CCDC9B: variants seen among roughly 807,000 people sequenced by gnomAD.
CCDC9B encodes coiled-coil domain containing 9B, also known as coiled-coil domain-containing protein 9B.
Under a neutral mutation model 47.2 loss-of-function variants are expected in CCDC9B, and 40 were observed. The ratio of observed to expected loss-of-function variants is 0.85; its 90% confidence interval spans 0.66 to 1.10. The LOEUF (loss-of-function observed/expected upper bound fraction) is 1.10. Ranked by LOEUF, CCDC9B falls within the 50% of genes least tolerant of loss-of-function variation. CCDC9B has a pLI of 0.00. For synonymous variants in CCDC9B, 238 were observed against 250.7 expected (o/e 0.95, Z 0.48); for missense variants, 662 against 651.0 (o/e 1.02, Z -0.18).
Position 40,339,935 on chromosome 15 carries a change from C to T in CCDC9B, c.93G>A (p.Lys31=), listed in dbSNP as rs757877384. 1.0e-4 allele frequency: 166 copies of T among 1,613,798 alleles called. 1 individual carries two copies. The Admixed American group carries it at 2.7e-3, about 26-fold the overall frequency. The stretch of plus-strand genomic sequence containing the variant: ...ACCTGCGGAGCAAGGCCTGGTTCTT[C>T]TTGCGCAGGGCAACTATCCTCCGAT... ...ELDRRIVALR[K]KNQALLRRYQ... The change falls in exon 2 of 11, where the codon AAG becomes AAA. Residue 31 remains lysine, a synonymous_variant. Coordinates refer to ENST00000397536, the MANE Select transcript of CCDC9B (RefSeq NM_207380.3).
intron 1 of CCDC9B, chr15:40,340,564 G>C (rs1164230216): frequency 4.0e-6 from 2 of 506,222 alleles, no homozygotes; most frequent in Non-Finnish European, 6.9e-6. Context: ...GCTGGTAGTC[G>C]GGGCGGAGAG....
Position 40,335,346 on chromosome 15 carries a change from G to A in CCDC9B, c.1285C>T (p.Gln429Ter). ...CCTCTCTGTGGCTCAGGGCAAGTCT[G>A]TACTTCCAGCTCAGCCTGGTGATTG... The part of the protein sequence containing the change: ...WSNHQAELEV[Q>*]TCPEPQRGAG... Residue 429 changes from glutamine (Q) to a stop codon, truncating the protein, a stop_gained, in exon 11 of 11, where the codon CAG (glutamine) becomes TAG (stop). Coordinates refer to ENST00000397536, the MANE Select transcript of CCDC9B (RefSeq NM_207380.3). LOFTEE classifies it low-confidence loss of function (END_TRUNC). 6.2e-7 allele frequency: 1 copy of A among 1,613,500 alleles called. No homozygotes were observed. The highest frequency in any genetic ancestry group is 1.3e-5 in the African/African-American group (1 of 75,046).
At position 40,337,887 on chromosome 15, in the gene CCDC9B, A is replaced by G; in HGVS notation, c.520T>C (p.Trp174Arg). Residue 174 changes from tryptophan (W) to arginine (R), a missense_variant, in exon 6 of 11, where the codon TGG (tryptophan) becomes CGG (arginine). Coordinates refer to ENST00000397536, the MANE Select transcript of CCDC9B (RefSeq NM_207380.3). ...ISSDSARKGS[W>R]EPWSRPVGEP... is the part of the protein sequence containing the mutation. The stretch of plus-strand genomic sequence containing the variant: ...CCCACCGGCCGGCTCCAGGGCTCCC[A>G]AGAACCCTGTAGGGAGAAGACACTC... 1 of 1,597,296 alleles carries G rather than the reference A, an allele frequency of 6.3e-7. No individual in the cohort carries two copies. The highest frequency in any genetic ancestry group is 8.5e-7 in the Non-Finnish European group (1 of 1,172,412).
chr15:40,332,550 A>G lies in CCDC9B; in HGVS notation c.*2608T>C, dbSNP rs76448349. ...TCTGCCCAGCCTTCTCTCCTGCTTCAGTCCCATTGTGAGGGCTGAACCCGA... is the reference window on the plus strand; with the variant it reads ...TCTGCCCAGCCTTCTCTCCTGCTTCGGTCCCATTGTGAGGGCTGAACCCGA... On this transcript the variant is annotated 3_prime_UTR_variant, in exon 11 of 11. Transcript: ENST00000397536. 13,104 of 152,342 alleles carry G rather than the reference A, an allele frequency of 0.086. 784 individuals carry two copies. Among genetic ancestry groups the G allele is most frequent in the Non-Finnish European group, 0.13 (8,796 of 68,046 alleles). The allele number at this position is 152,342 out of a possible 1,614,324, so 9.4% of individuals were successfully genotyped here. A position where few individuals can be genotyped will look rare whatever the true frequency, so the allele number is the denominator to read the frequency against.
At chr15:40,336,281 C>T in intron 9 of CCDC9B, 3 of 985,408 alleles carry the variant, frequency 3.0e-6, no homozygotes, top group Non-Finnish European at 3.6e-6. Context: ...AAACTTGCAG[C>T]ACCTTGAGTT....
chr15:40,339,757 C>G, intron 2 of CCDC9B, 138 bp from the exon 3 acceptor site: 1 of 1,465,968 alleles, frequency 6.8e-7, no homozygotes, highest in Non-Finnish European at 9.2e-7. Flanking sequence ...CCAGGACCCT[C>G]ACCAAGCCTC....
chr15:40,337,803 C>G lies in CCDC9B; in HGVS notation c.604G>C (p.Asp202His), dbSNP rs375488563. 49 of 1,610,244 alleles carry G rather than the reference C, an allele frequency of 3.0e-5. No homozygotes were observed. Among genetic ancestry groups the G allele is most frequent in the Middle Eastern group, 3.3e-4 (2 of 5,972 alleles). Residue 202 changes from aspartate to histidine, a missense_variant, in exon 6 of 11, where the codon GAC becomes CAC. Asp to His is a moderately conservative substitution (Grantham distance 81). Coordinates refer to ENST00000397536, the MANE Select transcript of CCDC9B (RefSeq NM_207380.3). ...AQWKQEREQI[D>H]LARLARHRDA... is the part of the protein sequence containing the mutation. ...CTGTGCCGGGCGAGGCGGGCTAGGT[C>G]GATCTGCTCCCGCTCCTGCTTCCAC...
intron 1 of CCDC9B, 100 bp downstream of exon 1, chr15:40,340,708 G>GCCCCAGCTGT: frequency 1.7e-6 from 2 of 1,149,564 alleles, no homozygotes; most frequent in African/African-American, 1.6e-5. Context: ...CTTCCTCCCA[G>GCCCCAGCTGT]CCCCAGCTGT....
rs375937138 is a variant in CCDC9B at position 40,337,398 on chromosome 15, G to A, written c.732C>T (p.Gly244=). 31 of 1,609,350 alleles carry A rather than the reference G, an allele frequency of 1.9e-5. No homozygotes were observed. Among genetic ancestry groups the A allele is most frequent in the Non-Finnish European group, 2.6e-5 (31 of 1,177,590 alleles). The stretch of plus-strand genomic sequence containing the variant: ...TAGGTGTGGGCTCACCCCTTCTGCT[G>A]CCTGCCCTGGCCGGGCCTTCTCCCC... ...QLRGEGPARA[G]SRRGPRSHQK... The change falls in exon 7 of 11, where the codon GGC becomes GGT. Residue 244 remains glycine, a synonymous_variant. Transcript: ENST00000397536.
chr15:40,340,017 TGCAGAG>T lies in CCDC9B; in HGVS notation c.13-8_13-3del. 6.2e-7 allele frequency: 1 copy of T among 1,605,272 alleles called. No individual in the cohort carries two copies. Among genetic ancestry groups the T allele is most frequent in the Non-Finnish European group, 8.5e-7 (1 of 1,173,714 alleles). ...GGGGGACTCGGCTCTGGGAGTTCCC[TGCAGAG>T]GCAGGGAACCCAAGCTCCTGACTTC... is the stretch of plus-strand genomic sequence containing the variant. On this transcript the variant is annotated splice_region_variant and splice_polypyrimidine_tract_variant and intron_variant, in intron 1 of 10. Transcript: ENST00000397536.
In CCDC9B at chr15:40,335,266, C is replaced by T. The variant is rs1430550910; in HGVS notation, c.1365G>A (p.Gln455=). The T allele has an allele frequency of 6.2e-7, 1 of 1,605,866 alleles. No homozygotes were observed. Among genetic ancestry groups the T allele is most frequent in the Non-Finnish European group, 8.5e-7 (1 of 1,174,852 alleles). ...TGGGCCGGCTTCTCGGGGCCAGGCC[C>T]TGCTGGGCCCCAGACTTGCCAGACC... ...EDRSGKSGAQ[Q]GLAPRSRPTR... Residue 455 remains glutamine (Q), a synonymous_variant, in exon 11 of 11, where the codon CAG becomes CAA. Transcript: ENST00000397536.
Position 40,338,611 on chromosome 15 carries a change from A to G in CCDC9B, c.437T>C (p.Ile146Thr). 1 of 1,613,972 alleles carries G rather than the reference A, an allele frequency of 6.2e-7. No homozygotes were observed. The highest frequency in any genetic ancestry group is 8.5e-7 in the Non-Finnish European group (1 of 1,179,918). Residue 146 changes from isoleucine to threonine, a missense_variant, in exon 5 of 11, where the codon ATA becomes ACA. Coordinates refer to ENST00000397536, the MANE Select transcript of CCDC9B (RefSeq NM_207380.3). ...EKPTRARNQGIEGSPGGRVTR... is the reference protein window; with the variant it reads ...EKPTRARNQGTEGSPGGRVTR... ...CACACGCCCTCCAGGTGACCCCTCT[A>G]TGCCTTGGTTCCTTGCTCTGGTAGG...
At chr15:40,338,498 T>C in intron 5 of CCDC9B, 37 bp downstream of exon 5, 1 of 1,603,564 alleles carries the variant, frequency 6.2e-7, no homozygotes, top group South Asian at 1.1e-5. Context: ...AGTGAGGACC[T>C]TCAGATCCAT....
At chr15:40,336,094 C>T (rs574402416) in intron 9 of CCDC9B, 120 of 985,412 alleles carry the variant, frequency 1.2e-4, no homozygotes, top group Middle Eastern at 5.2e-4. Context: ...CATCTCCTTG[C>T]CAAAGAAACT....
intron 6 of CCDC9B, 101 bp from the exon 7 acceptor site, chr15:40,337,547 G>T: frequency 8.1e-7 from 1 of 1,227,878 alleles, no homozygotes; most frequent in Non-Finnish European, 1.1e-6. Context: ...ATTGAAGGCA[G>T]CAGGGAGATG....
rs372291600 is a variant in CCDC9B at position 40,337,795 on chromosome 15, G to A, written c.612C>T (p.Ala204=). The A allele has an allele frequency of 2.5e-6, 4 of 1,610,202 alleles. No individual in the cohort carries two copies. The highest frequency in any genetic ancestry group is 3.4e-6 in the Non-Finnish European group (4 of 1,179,846). The stretch of plus-strand genomic sequence containing the variant: ...GTGCGTCTCTGTGCCGGGCGAGGCG[G>A]GCTAGGTCGATCTGCTCCCGCTCCT... ...WKQEREQIDL[A]RLARHRDAQG... The change falls in exon 6 of 11, where the codon GCC becomes GCT. Residue 204 remains alanine, a synonymous_variant. Transcript: ENST00000397536.
rs779031283 is a variant in CCDC9B, at chr15:40,335,721, C to CG, written c.931-22dup. On this transcript the variant is annotated intron_variant, in intron 10 of 10. Transcript: ENST00000397536. Reference sequence around the variant, plus strand: ...CTTCCCTGAAACAAGAGAATAGCCCCGGTGGCTGATGAATCCAGGGCTCGC... The same window carrying CG: ...CTTCCCTGAAACAAGAGAATAGCCCCGGGTGGCTGATGAATCCAGGGCTCGC... 3.4e-5 allele frequency: 54 copies of CG among 1,579,628 alleles called. No homozygotes were observed. The African/African-American group carries it at 6.7e-4, about 20-fold the overall frequency.
chr15:40,336,740 C>A lies in CCDC9B; in HGVS notation c.796+20G>T, dbSNP rs777096458. 6.3e-7 allele frequency: 1 copy of A among 1,599,780 alleles called. No homozygotes were observed. Among genetic ancestry groups the A allele is most frequent in the Non-Finnish European group, 8.5e-7 (1 of 1,171,696 alleles). ...CATCTTTAGCTGACGAGACCTGGCC[C>A]CTCCTCCTCCCCAACTCACCTTTTC... On this transcript the variant is annotated intron_variant, in intron 8 of 10. Transcript: ENST00000397536.
In CCDC9B at chr15:40,339,940, G is replaced by A. The variant is rs370857422; in HGVS notation, c.88C>T (p.Arg30Cys). The A allele has an allele frequency of 7.1e-5, 114 of 1,613,746 alleles. No individual in the cohort carries two copies. Among genetic ancestry groups the A allele is most frequent in the Admixed American group, 1.2e-4 (7 of 60,012 alleles). ...AELDRRIVAL[R>C]KKNQALLRRY... ...CGGAGCAAGGCCTGGTTCTTCTTGC[G>A]CAGGGCAACTATCCTCCGATCCAGC... The change falls in exon 2 of 11, where the codon CGC becomes TGC. Residue 30 changes from arginine to cysteine, a missense_variant. Arg to Cys is a radical substitution (Grantham distance 180, BLOSUM62 -3). Transcript: ENST00000397536.
Sources: allele counts gnomAD v4.1 joint callset, GRCh38; gene constraint gnomAD v4.1.1; transcripts MANE v1.5; gene names NCBI Gene and HGNC (gene_info 2026-07-23, HGNC 2026-07-21).